The following ATG7 variants were observed in gnomAD, a reference collection of about 807,000 sequenced individuals.
The protein encoded by ATG7 is autophagy related 7.
A neutral mutation model predicts 82.4 loss-of-function variants in ATG7; 70 were observed. That is an observed-to-expected ratio of 0.85 (90% CI 0.70 to 1.04). ATG7 has a LOEUF of 1.04. ATG7 is among the 50% of genes least tolerant of loss of function. ATG7 has a pLI of 0.00. For synonymous variants in ATG7, 287 were observed against 313.0 expected (o/e 0.92, Z 0.88); for missense variants, 792 against 864.3 (o/e 0.92, Z 1.05).
Position 11,342,245 on chromosome 3 carries a change from G to A in ATG7, c.1091G>A (p.Gly364Asp). The change falls in exon 13 of 21, where the codon GGC (glycine) becomes GAC (aspartate). Residue 364 changes from glycine (G) to aspartate (D), a missense_variant. Transcript: ENST00000693202. ...GTCAAATGTCTGCTGCTTGGAGCCG[G>A]CACCTTGGGTTGCAATGTAGCTAGG... Reference protein sequence around the residue: ...VSVKCLLLGAGTLGCNVARTL... With the variant: ...VSVKCLLLGADTLGCNVARTL... 1 of 1,613,452 alleles carries A rather than the reference G, an allele frequency of 6.2e-7. No homozygotes were observed. The highest frequency in any genetic ancestry group is 8.5e-7 in the Non-Finnish European group (1 of 1,179,946).
At chr3:11,512,711 A>G (rs951904707) in intron 20 of ATG7, among the ~76,000 whole-genome samples, 3 of 152,202 alleles carry the variant, frequency 2.0e-5, no homozygotes, top group East Asian at 3.8e-4. Flanking sequence ...CCAAAGAGTG[A>G]GCAGTAGCAA....
intron 20 of ATG7, among the ~76,000 whole-genome samples, chr3:11,474,615 GAA>G (rs376799727): frequency 5.9e-5 from 9 of 152,268 alleles, no homozygotes; most frequent in African/African-American, 2.2e-4. Context: ...CTCAAAAAAA[GAA>G]AGAAAGAAAA....
At chr3:11,562,655 C>A (rs2073127689), downstream of ATG7, among the ~76,000 whole-genome samples, 2 of 152,238 alleles carry the variant, frequency 1.3e-5, no homozygotes, top group South Asian at 4.1e-4. Context: ...AGCCCCGCCA[C>A]GCTGCCGCAG....
chr3:11,571,875 G>A, the ATG7 span, among the ~76,000 whole-genome samples: 1 of 152,000 alleles, frequency 6.6e-6, no homozygotes, highest in Non-Finnish European at 1.5e-5. Context: ...GGGAGGCCGA[G>A]GCCGGCAGAT....
intron 19 of ATG7, among the ~76,000 whole-genome samples, chr3:11,419,706 C>T (rs2152930095): frequency 6.6e-6 from 1 of 152,266 alleles, no homozygotes; most frequent in East Asian, 1.9e-4. Flanking sequence ...GCTGAAATGC[C>T]TAGGCAGAGA....
At chr3:11,336,648 G>C (rs1343556036) in intron 11 of ATG7, among the ~76,000 whole-genome samples, 1 of 152,012 alleles carries the variant, frequency 6.6e-6, no homozygotes, top group Non-Finnish European at 1.5e-5. Flanking sequence ...ATGGTATAAG[G>C]AGTATTATTT....
chr3:11,437,257 C>T (rs568341368), intron 20 of ATG7, among the ~76,000 whole-genome samples: 6 of 152,158 alleles, frequency 3.9e-5, no homozygotes, highest in Non-Finnish European at 8.8e-5. Context: ...AGGATCTCTT[C>T]CATTTTTATT....
At chr3:11,517,443 G>C (rs930627212) in intron 20 of ATG7, among the ~76,000 whole-genome samples, 1 of 152,132 alleles carries the variant, frequency 6.6e-6, no homozygotes, top group African/African-American at 2.4e-5. Context: ...GTAATGCACA[G>C]AGGATTTTTG....
intron 20 of ATG7, among the ~76,000 whole-genome samples, chr3:11,499,877 C>T (rs1462812627): frequency 1.3e-5 from 2 of 152,126 alleles, no homozygotes; most frequent in African/African-American, 4.8e-5. Flanking sequence ...AGTATCATAC[C>T]AGTCTTGTGC....
At chr3:11,359,706 C>T (rs1188458961) in intron 15 of ATG7, among the ~76,000 whole-genome samples, 4 of 145,198 alleles carry the variant, frequency 2.8e-5, no homozygotes, top group Non-Finnish European at 6.1e-5. Context: ...AAAAAAACCC[C>T]AAAGAAACAA....
At chr3:11,568,660 G>T in the ATG7 span, 3 of 1,559,210 alleles carry the variant, frequency 1.9e-6, no homozygotes, top group African/African-American at 2.7e-5. The surrounding 1 kb of genome is among the most constrained non-coding windows in gnomAD (Gnocchi z 5.9). Flanking sequence ...TGTTTTCCAG[G>T]CCCCGCTCGC....
intron 20 of ATG7, among the ~76,000 whole-genome samples, chr3:11,481,204 TCAGCTGGGGG>T (rs1242386914): frequency 1.3e-5 from 2 of 152,226 alleles, no homozygotes; most frequent in Non-Finnish European, 2.9e-5. Context: ...GTACAAGGTT[TCAGCTGGGGG>T]CAGATAAGAA....
chr3:11,500,924 G>A (rs921945990), intron 20 of ATG7, among the ~76,000 whole-genome samples: 6 of 152,188 alleles, frequency 3.9e-5, no homozygotes, highest in African/African-American at 7.2e-5. Flanking sequence ...CCACTGCACC[G>A]CCCAACCTAA....
intron 20 of ATG7, among the ~76,000 whole-genome samples, chr3:11,485,901 ATC>A (rs1330913596): frequency 2.0e-5 from 3 of 151,920 alleles, no homozygotes; most frequent in Admixed American, 1.3e-4. Context: ...ATTGATCTAT[ATC>A]TCTGTTTTGG....
intron 20 of ATG7, among the ~76,000 whole-genome samples, chr3:11,532,052 C>CTCCTCCTCT (rs1430990282): frequency 2.6e-5 from 4 of 152,028 alleles, no homozygotes; most frequent in African/African-American, 9.7e-5. Context: ...TTTATTCCTC[C>CTCCTCCTCT]TCCTCCTCTT....
chr3:11,566,521 T>C, the ATG7 span, among the ~76,000 whole-genome samples: 1 of 152,204 alleles, frequency 6.6e-6, no homozygotes, highest in Non-Finnish European at 1.5e-5. Flanking sequence ...GCACGGGCCT[T>C]GGTAGCCTCT....
In ATG7 at chr3:11,355,576, G is replaced by A. The variant is rs376820829; in HGVS notation, c.1285-2842G>A. Among the ~76,000 whole-genome samples, 4 of 152,252 alleles carry A rather than the reference G, an allele frequency of 2.6e-5. No homozygotes were observed. In the East Asian group the frequency reaches 7.7e-4, roughly 29 times the overall value. The stretch of plus-strand genomic sequence containing the variant: ...AGCTTGAACAGGTACTTAATTTATG[G>A]TGAAGATCTATGAATGGCCATTGAA... On this transcript the variant is annotated intron_variant, in intron 14 of 20. Transcript: ENST00000693202.
At chr3:11,468,078 C>T (rs2087020485) in intron 20 of ATG7, among the ~76,000 whole-genome samples, 1 of 152,158 alleles carries the variant, frequency 6.6e-6, no homozygotes, top group African/African-American at 2.4e-5. Context: ...CTTGTGACAT[C>T]AGAAGGTTGA....
intron 20 of ATG7, among the ~76,000 whole-genome samples, chr3:11,547,982 T>TA (rs2071432168): frequency 2.0e-5 from 3 of 151,986 alleles, no homozygotes; most frequent in Admixed American, 6.6e-5. Context: ...GCTGGGACTA[T>TA]AGGTGTGCAC....
Sources: allele counts gnomAD v4.1 joint callset (sites outside exome capture counted in the v4.1 genomes callset), GRCh38; gene constraint gnomAD v4.1.1; non-coding constraint Gnocchi (gnomAD v3.1); transcripts MANE v1.5; gene names NCBI Gene and HGNC (gene_info 2026-07-23, HGNC 2026-07-21).